CSGALNACT1: variants seen among roughly 807,000 people sequenced by gnomAD.
The protein encoded by CSGALNACT1 is beta4GalNAcT-1.
CSGALNACT1 carries 52 observed loss-of-function variants against 51.0 expected under a neutral mutation model. The observed-to-expected ratio is 1.02, with a 90% CI of 0.82 to 1.29. The LOEUF is 1.29. Among genes scored for constraint, CSGALNACT1 ranks in the 50% most tolerant of loss-of-function variants. The pLI, the probability that CSGALNACT1 is intolerant of heterozygous loss-of-function variation, is 0.00. For synonymous variants in CSGALNACT1, 341 were observed against 254.4 expected (o/e 1.34, Z -3.24); for missense variants, 935 against 679.2 (o/e 1.38, Z -4.19).
chr8:19,431,813 CTT>C (rs71205925), intron 6 of CSGALNACT1, among the ~76,000 whole-genome samples: 69,541 of 148,966 alleles, frequency 0.47, 17,516 homozygotes, highest in East Asian at 0.84. Flanking sequence ...GTTCTTTTTT[CTT>C]TTTTTTTTTA....
At chr8:19,692,299 C>T (rs987087713) in intron 1 of CSGALNACT1, among the ~76,000 whole-genome samples, 1 of 152,176 alleles carries the variant, frequency 6.6e-6, no homozygotes, top group Non-Finnish European at 1.5e-5. Context: ...GCTGGGAGAG[C>T]CTCCTGCAAT....
intron 3 of CSGALNACT1, among the ~76,000 whole-genome samples, chr8:19,536,342 T>G (rs992703660): frequency 1.3e-4 from 14 of 111,430 alleles, no homozygotes; most frequent in African/African-American, 6.5e-4. Context: ...TTGTAAAAAA[T>G]GTTAAAAAAA....
intron 4 of CSGALNACT1, among the ~76,000 whole-genome samples, chr8:19,485,457 C>T (rs1291080452): frequency 6.6e-6 from 1 of 152,058 alleles, no homozygotes; most frequent in Non-Finnish European, 1.5e-5. Context: ...CCCAGAGAAA[C>T]CCTGGAAGCT....
At chr8:19,518,039 G>A (rs1432464297) in intron 3 of CSGALNACT1, among the ~76,000 whole-genome samples, 2 of 152,168 alleles carry the variant, frequency 1.3e-5, no homozygotes, top group Non-Finnish European at 2.9e-5. Flanking sequence ...GAGAGATCAG[G>A]GTCTGAGGTA....
intron 3 of CSGALNACT1, among the ~76,000 whole-genome samples, chr8:19,544,294 A>C (rs186340176): frequency 9.5e-4 from 145 of 152,296 alleles, no homozygotes; most frequent in African/African-American, 3.2e-3. Flanking sequence ...ATCCAATCTT[A>C]AGGAAATATA....
intron 1 of CSGALNACT1, among the ~76,000 whole-genome samples, chr8:19,667,845 C>A (rs1433462270): frequency 6.6e-6 from 1 of 152,054 alleles, no homozygotes; most frequent in Non-Finnish European, 1.5e-5. Context: ...GGTAAGAATT[C>A]AAAAATCTGA....
chr8:19,647,105 T>A (rs964280027), intron 1 of CSGALNACT1, among the ~76,000 whole-genome samples: 2 of 151,870 alleles, frequency 1.3e-5, no homozygotes, highest in African/African-American at 4.8e-5. Flanking sequence ...ACCCTGAAGG[T>A]CAGCTTCTGA....
intron 1 of CSGALNACT1, among the ~76,000 whole-genome samples, chr8:19,753,572 A>G (rs1022122632): frequency 2.6e-5 from 4 of 152,228 alleles, no homozygotes; most frequent in South Asian, 2.1e-4. Flanking sequence ...AGGTCTTGAG[A>G]TATTGCCTAG....
intron 4 of CSGALNACT1, among the ~76,000 whole-genome samples, chr8:19,476,866 A>T (rs993071107): frequency 4.0e-5 from 6 of 151,838 alleles, no homozygotes; most frequent in Non-Finnish European, 7.4e-5. Context: ...ATGATTCTAG[A>T]CCTCAGCTGT....
intron 1 of CSGALNACT1, among the ~76,000 whole-genome samples, chr8:19,669,850 G>A (rs1216572038): frequency 1.3e-5 from 2 of 152,126 alleles, no homozygotes; most frequent in Admixed American, 1.3e-4. Flanking sequence ...GCTTATTGCA[G>A]CATGAAGGCC....
intron 4 of CSGALNACT1, among the ~76,000 whole-genome samples, chr8:19,487,668 T>A (rs146923994): frequency 1.3e-5 from 2 of 152,252 alleles, no homozygotes; most frequent in African/African-American, 4.8e-5. Context: ...TCAGCTAAGG[T>A]GCTTGGTACA....
intron 4 of CSGALNACT1, among the ~76,000 whole-genome samples, chr8:19,499,809 G>T (rs563642804): frequency 2.0e-5 from 3 of 152,194 alleles, no homozygotes; most frequent in Non-Finnish European, 4.4e-5. Flanking sequence ...GATTAAGAAT[G>T]TCAATTCTGA....
intron 1 of CSGALNACT1, among the ~76,000 whole-genome samples, chr8:19,690,808 G>T (rs1460334043): frequency 6.6e-6 from 1 of 151,834 alleles, no homozygotes; most frequent in Non-Finnish European, 1.5e-5. Flanking sequence ...TGCTCAACGG[G>T]TAATTTGGGA....
At chr8:19,670,502 C>T (rs1343975490) in intron 1 of CSGALNACT1, among the ~76,000 whole-genome samples, 1 of 151,230 alleles carries the variant, frequency 6.6e-6, no homozygotes, top group Non-Finnish European at 1.5e-5. Context: ...TTCTAAGGTG[C>T]TGGAATCACT....
At chr8:19,524,489 A>G (rs1025216780) in intron 3 of CSGALNACT1, among the ~76,000 whole-genome samples, 12 of 152,092 alleles carry the variant, frequency 7.9e-5, no homozygotes, top group African/African-American at 1.9e-4. Flanking sequence ...AACCCTTTAC[A>G]TATTTCCCAG....
chr8:19,488,526 A>G (rs1286846409), intron 4 of CSGALNACT1, among the ~76,000 whole-genome samples: 1 of 151,774 alleles, frequency 6.6e-6, no homozygotes, highest in Non-Finnish European at 1.5e-5. Context: ...ATAAAGGGAA[A>G]TGAACCCATG....
chr8:19,469,436 T>C (rs2067562943), intron 4 of CSGALNACT1, among the ~76,000 whole-genome samples: 1 of 152,002 alleles, frequency 6.6e-6, no homozygotes, highest in African/African-American at 2.4e-5. Context: ...GCCCTCTGGA[T>C]GGGGCAAGGA....
intron 7 of CSGALNACT1, among the ~76,000 whole-genome samples, chr8:19,419,065 C>T (rs2057435272): frequency 6.6e-6 from 1 of 152,106 alleles, no homozygotes; most frequent in Admixed American, 6.6e-5. Flanking sequence ...AGGCTGGTCT[C>T]AAACTCCTGA....
intron 3 of CSGALNACT1, among the ~76,000 whole-genome samples, chr8:19,524,936 C>A (rs918448981): frequency 4.6e-5 from 7 of 152,122 alleles, no homozygotes; most frequent in African/African-American, 1.7e-4. Context: ...GAGAGAGAGA[C>A]AGAGACCATC....
Sources: allele counts gnomAD v4.1 joint callset (sites outside exome capture counted in the v4.1 genomes callset), GRCh38; gene constraint gnomAD v4.1.1; transcripts MANE v1.5; gene names NCBI Gene and HGNC (gene_info 2026-07-23, HGNC 2026-07-21).